Variants in MAP3K8 observed in about 807,000 individuals in gnomAD.
The protein encoded by MAP3K8 is mitogen-activated protein kinase kinase kinase 8, also known as Ewing sarcoma transformant.
Under a neutral mutation model 45.8 loss-of-function variants are expected in MAP3K8, and 22 were observed. That is an observed-to-expected ratio of 0.48 (90% CI 0.34 to 0.69). MAP3K8 has a LOEUF of 0.69. Among genes scored for constraint, MAP3K8 ranks in the 30% least tolerant of loss-of-function variants. The probability of loss-of-function intolerance (pLI) is 0.01; values close to 1 mark genes in which losing one functional copy is unlikely to be tolerated. For synonymous variants in MAP3K8, 223 were observed against 214.3 expected (o/e 1.04, Z -0.36); for missense variants, 419 against 585.0 (o/e 0.72, Z 2.93).
chr10:30,459,787 G>A lies in MAP3K8; in HGVS notation c.1273+286G>A, dbSNP rs537700577. Reference sequence around the variant, plus strand: ...TGCAACTTGCTTTTTTACAACTTTTGTCTTTGAAAACAGATTGAGCATGAC... The same window carrying A: ...TGCAACTTGCTTTTTTACAACTTTTATCTTTGAAAACAGATTGAGCATGAC... On this transcript the variant is annotated intron_variant, in intron 8 of 8. Coordinates refer to ENST00000263056, the MANE Select transcript of MAP3K8 (RefSeq NM_005204.4). Among the ~76,000 whole-genome samples, 18 of 152,036 alleles carry A rather than the reference G, an allele frequency of 1.2e-4. 1 individual carries two copies. Among genetic ancestry groups the A allele is most frequent in the Admixed American group, 2.0e-4 (3 of 15,262 alleles).
intron 1 of MAP3K8, among the ~76,000 whole-genome samples, 168 bp from the exon 2 acceptor site, chr10:30,437,008 T>C (rs1835934449): frequency 6.6e-6 from 1 of 151,950 alleles, no homozygotes; most frequent in South Asian, 2.1e-4. Context: ...GTTGCTCTCC[T>C]AACTCAGCAG....
intron 1 of MAP3K8, 122 bp downstream of exon 1, chr10:30,434,500 G>A (rs1463643713): frequency 1.0e-6 from 1 of 985,598 alleles, no homozygotes; most frequent in East Asian, 1.1e-4. Flanking sequence ...GGCGTGGGAA[G>A]AGGTGGGGGC....
chr10:30,460,503 T>C (rs1049251263), intron 8 of MAP3K8, among the ~76,000 whole-genome samples: 23 of 152,190 alleles, frequency 1.5e-4, no homozygotes, highest in African/African-American at 5.5e-4. Context: ...TTCTAACTAA[T>C]TTCTTGTCTC....
rs1836911096 is a variant in MAP3K8, at chr10:30,460,786, G to A, written c.1354G>A (p.Ala452Thr). The A allele has an allele frequency of 1.9e-6, 3 of 1,613,916 alleles. No individual in the cohort carries two copies. Among genetic ancestry groups the A allele is most frequent in the African/African-American group, 1.3e-5 (1 of 75,040 alleles). Reference protein sequence around the residue: ...RSLYIDLGALAGYFNLVRGPP... With the variant: ...RSLYIDLGALTGYFNLVRGPP... ...TCTCTACATCGACCTCGGCGCTCTG[G>A]CTGGCTACTTCAATCTTGTTCGGGG... Residue 452 changes from alanine (A) to threonine (T), a missense_variant, in exon 9 of 9, where the codon GCT becomes ACT. By Grantham distance (58) the Ala-to-Thr change is moderately conservative. Around this residue, in one of 3 missense-constraint regions of MAP3K8, gnomAD observed 108 missense variants for 124.2 expected, o/e 0.87. Coordinates refer to ENST00000263056, the MANE Select transcript of MAP3K8 (RefSeq NM_005204.4).
At chr10:30,460,614 G>GAAGGATTTCACT in intron 8 of MAP3K8, 92 bp from the exon 9 acceptor site, 1 of 1,015,658 alleles carries the variant, frequency 9.8e-7, no homozygotes, top group South Asian at 1.6e-5. Flanking sequence ...TGTTTTATTA[G>GAAGGATTTCACT]GCCCCAAAGA....
intron 4 of MAP3K8, 43 bp downstream of exon 4, chr10:30,447,992 A>C: frequency 5.2e-6 from 8 of 1,545,090 alleles, no homozygotes; most frequent in Non-Finnish European, 7.0e-6. Flanking sequence ...TGTGTTTGGC[A>C]TTCTGGCTTT....
At chr10:30,455,412 C>G (rs1328480051) in intron 6 of MAP3K8, among the ~76,000 whole-genome samples, 1 of 152,160 alleles carries the variant, frequency 6.6e-6, no homozygotes, top group Non-Finnish European at 1.5e-5. Flanking sequence ...AGTATAGCTC[C>G]CAAATGCAAA....
At chr10:30,460,648 G>GGTATT (rs1296313241) in intron 8 of MAP3K8, 58 bp from the exon 9 acceptor site, 24 of 1,414,086 alleles carry the variant, frequency 1.7e-5, no homozygotes, top group Non-Finnish European at 2.1e-5. Context: ...AGAAGGAACA[G>GGTATT]GTATTTATCA....
At chr10:30,450,081 A>G (rs537289436) in intron 4 of MAP3K8, among the ~76,000 whole-genome samples, 177 bp from the exon 5 acceptor site, 1 of 152,350 alleles carries the variant, frequency 6.6e-6, no homozygotes, top group Admixed American at 6.5e-5. Flanking sequence ...GCTGACTAAC[A>G]TAGTTAAAGG....
intron 3 of MAP3K8, among the ~76,000 whole-genome samples, chr10:30,440,744 T>C (rs1206382993): frequency 6.6e-6 from 1 of 152,242 alleles, no homozygotes; most frequent in Non-Finnish European, 1.5e-5. Context: ...CCGAGAAATA[T>C]AATTGTTTGT....
At chr10:30,452,636 GC>G (rs1836589787) in intron 6 of MAP3K8, among the ~76,000 whole-genome samples, 1 of 149,248 alleles carries the variant, frequency 6.7e-6, no homozygotes, top group African/African-American at 2.5e-5. Flanking sequence ...AAAAAAAAAA[GC>G]CCCCCAAAAT....
chr10:30,450,749 C>T, intron 5 of MAP3K8: 1 of 527,872 alleles, frequency 1.9e-6, no homozygotes, highest in South Asian at 2.1e-5. Flanking sequence ...GTTATAGCTA[C>T]ATACCTATTA....
chr10:30,455,314 G>T (rs1207617434), intron 6 of MAP3K8, among the ~76,000 whole-genome samples: 1 of 152,198 alleles, frequency 6.6e-6, no homozygotes, highest in Non-Finnish European at 1.5e-5. Flanking sequence ...AGAGCCAGGA[G>T]ATCTAATTAG....
rs2132841270 is a variant in MAP3K8 at position 30,461,020 on chromosome 10, G to A, written c.*184G>A. ...TTTGACATGTGAAGCTATTTGATAT[G>A]CACCAGGTCTCAAGGTTCTCATTTC... On this transcript the variant is annotated 3_prime_UTR_variant, in exon 9 of 9. Transcript: ENST00000263056. 1 of 571,552 alleles carries A rather than the reference G, an allele frequency of 1.7e-6. No homozygotes were observed. The allele number at this position is 571,552 out of a possible 1,614,324, so 35.4% of individuals were successfully genotyped here.
chr10:30,450,541 C>A (rs1376573979), intron 5 of MAP3K8, 22 bp downstream of exon 5: 4 of 1,610,988 alleles, frequency 2.5e-6, no homozygotes, highest in Middle Eastern at 1.7e-4. Flanking sequence ...TGGACATATA[C>A]CTTTTTGGCT....
At chr10:30,435,702 G>C (rs1343023905) in intron 1 of MAP3K8, among the ~76,000 whole-genome samples, 1 of 152,084 alleles carries the variant, frequency 6.6e-6, no homozygotes, top group African/African-American at 2.4e-5. Flanking sequence ...ACAGGCGCCC[G>C]CCGCCACGCC....
intron 4 of MAP3K8, among the ~76,000 whole-genome samples, chr10:30,448,674 C>A (rs1370798914): frequency 6.6e-6 from 1 of 152,070 alleles, no homozygotes; most frequent in Non-Finnish European, 1.5e-5. Flanking sequence ...TACAAGTGAT[C>A]CACCTGCCTA....
Position 30,437,386 on chromosome 10 carries a change from TCCTCACGACCA to T in MAP3K8, c.-38_-28del. On this transcript the variant is annotated 5_prime_UTR_variant, in exon 2 of 9. In the 5' UTR this introduces an upstream ATG that the reference lacks. Transcript: ENST00000263056. ...ACTTTATGAGCTTGAACTCTGTTAA[TCCTCACGACCA>T]CCTCATGAGGTAGGTGCTGTTATTA... The T allele has an allele frequency of 3.6e-6, 3 of 832,854 alleles. No individual in the cohort carries two copies. Among genetic ancestry groups the T allele is most frequent in the Non-Finnish European group, 4.3e-6 (3 of 690,382 alleles). The allele number at this position is 832,854 out of a possible 1,614,324, so 51.6% of individuals were successfully genotyped here. A position where few individuals can be genotyped will look rare whatever the true frequency, so the allele number is the denominator to read the frequency against.
In MAP3K8 at chr10:30,459,370, A is replaced by G. The variant is rs1310891021; in HGVS notation, c.1142A>G (p.Asp381Gly). 5.6e-6 allele frequency: 9 copies of G among 1,614,148 alleles called. No individual in the cohort carries two copies. The highest frequency in any genetic ancestry group is 7.6e-6 in the Non-Finnish European group (9 of 1,180,010). The part of the protein sequence containing the change: ...RNPNHRPRAA[D>G]LLKHEALNPP... ...CCCAATCACCGCCCAAGAGCCGCAG[A>G]CCTACTAAAACATGAGGCCCTGAAC... is the stretch of plus-strand genomic sequence containing the variant. Residue 381 changes from aspartate (D) to glycine (G), a missense_variant, in exon 8 of 9, where the codon GAC becomes GGC. By Grantham distance (94) the Asp-to-Gly change is moderately conservative. Coordinates refer to ENST00000263056, the MANE Select transcript of MAP3K8 (RefSeq NM_005204.4).
Sources: gnomAD v4.1 joint callset for allele counts (sites outside exome capture counted in the v4.1 genomes callset) on GRCh38, gnomAD v4.1.1 for gene constraint, gnomAD v4.1.1 regional missense constraint, MANE v1.5 for transcripts, NCBI Gene and HGNC (gene_info 2026-07-23, HGNC 2026-07-21) for gene names.